Variants in SCN3A observed in about 807,000 individuals in gnomAD.
SCN3A encodes the protein sodium channel protein type 3 subunit alpha.
In SCN3A, 60 loss-of-function variants were observed where a neutral mutation model predicts 187.6. That is an observed-to-expected ratio of 0.32 (90% CI 0.26 to 0.40). The LOEUF is 0.40. SCN3A is among the 10% of genes least tolerant of loss of function. The pLI is 1.00. For synonymous variants in SCN3A, 788 were observed against 829.2 expected, an observed-to-expected ratio of 0.95 and a Z score of 0.85; for missense variants, 1,601 against 2,428.2, an observed-to-expected ratio of 0.66 and a Z score of 7.16.
chr2:165,100,533 C>T (rs1685555083), intron 21 of SCN3A, 109 bp from the exon 22 acceptor site: 1 of 1,131,564 alleles, frequency 8.8e-7, no homozygotes, highest in African/African-American at 1.6e-5. Context: ...TTGGACATAC[C>T]TTGGCAACTT....
intron 9 of SCN3A, among the ~76,000 whole-genome samples, chr2:165,161,154 T>TTTTTTTTTG (rs1689363339): frequency 1.4e-5 from 2 of 146,402 alleles, no homozygotes; most frequent in Non-Finnish European, 3.0e-5. Flanking sequence ...TTTTTTTTTT[T>TTTTTTTTTG]TTTTTTTTGT....
rs770782820 is a variant in SCN3A, at chr2:165,159,893, A to C, written c.1031+2415T>G. On this transcript the variant is annotated intron_variant, in intron 9 of 27. Transcript: ENST00000283254. ...ACTCCTGTAATCCCAGCACTTTGGG[A>C]GGCCGAGGCGGGCGGATCACGAGGT... Among the ~76,000 whole-genome samples, 4 of 136,094 alleles carry C rather than the reference A, an allele frequency of 2.9e-5. 1 individual carries two copies. The highest frequency in any genetic ancestry group is 6.0e-5 in the Non-Finnish European group (4 of 66,366). 89.3% of individuals were successfully genotyped at this position (136,094 alleles called of 152,430 possible).
At chr2:165,194,332 T>C (rs1439240736) in intron 1 of SCN3A, among the ~76,000 whole-genome samples, 1 of 152,144 alleles carries the variant, frequency 6.6e-6, no homozygotes, top group Non-Finnish European at 1.5e-5. Flanking sequence ...GTCCAGACTT[T>C]GGGACTCTGT....
chr2:165,196,789 G>T (rs1324886939), intron 1 of SCN3A, among the ~76,000 whole-genome samples: 1 of 152,066 alleles, frequency 6.6e-6, no homozygotes, highest in Non-Finnish European at 1.5e-5. Context: ...CTTTCCTCCA[G>T]ATCTGCCTAA....
At chr2:165,157,331 T>C (rs1689121814) in intron 9 of SCN3A, among the ~76,000 whole-genome samples, 1 of 152,198 alleles carries the variant, frequency 6.6e-6, no homozygotes, top group African/African-American at 2.4e-5. Context: ...ACTTCCCTTG[T>C]TTTTGATGAC....
At chr2:165,197,102 G>A (rs796926190) in intron 1 of SCN3A, among the ~76,000 whole-genome samples, 1 of 152,114 alleles carries the variant, frequency 6.6e-6, no homozygotes. Context: ...AATTTCAAAT[G>A]TAAAATTATT....
chr2:165,087,783 A>G lies in SCN3A; in HGVS notation c.*2367T>C, dbSNP rs1684903579. 1 of 152,176 alleles carries G rather than the reference A, an allele frequency of 6.6e-6. No individual in the cohort carries two copies. The allele number at this position is 152,176 out of a possible 1,614,324, so 9.4% of individuals were successfully genotyped here. A position where few individuals can be genotyped will look rare whatever the true frequency, so the allele number is the denominator to read the frequency against. The stretch of plus-strand genomic sequence containing the variant: ...AGAATGTAACATTTATTAGCCACCA[A>G]GTAATTAGGAGATAGCATCAATTAT... On this transcript the variant is annotated 3_prime_UTR_variant, in exon 28 of 28. Coordinates refer to ENST00000283254, the MANE Select transcript of SCN3A (RefSeq NM_006922.4).
At chr2:165,097,556 C>T (rs755657861) in intron 22 of SCN3A, 32 bp from the exon 23 acceptor site, 1 of 1,611,354 alleles carries the variant, frequency 6.2e-7, no homozygotes, top group South Asian at 1.1e-5. Context: ...ACATAGCTTA[C>T]AAACCTTTTG....
At chr2:165,104,306 T>C (rs1253456793) in intron 21 of SCN3A, among the ~76,000 whole-genome samples, 2 of 151,868 alleles carry the variant, frequency 1.3e-5, no homozygotes, top group Non-Finnish European at 2.9e-5. Flanking sequence ...ATGAATGAAA[T>C]AAAATAAAGC....
At chr2:165,143,009 C>T (rs1688105523) in intron 12 of SCN3A, among the ~76,000 whole-genome samples, 1 of 152,108 alleles carries the variant, frequency 6.6e-6, no homozygotes, top group Non-Finnish European at 1.5e-5. Flanking sequence ...GCCCTGGCCT[C>T]CCAAAGCCCT....
At chr2:165,153,613 A>G (rs1198032756) in intron 11 of SCN3A, among the ~76,000 whole-genome samples, 10 of 152,138 alleles carry the variant, frequency 6.6e-5, no homozygotes, top group Admixed American at 6.6e-4. Context: ...ACAGATGGAA[A>G]ATAAGAACAG....
At position 165,139,343 on chromosome 2, in the gene SCN3A, C is replaced by A. The variant is rs541702979; in HGVS notation, c.2152+133G>T. On this transcript the variant is annotated intron_variant, in intron 14 of 27. Coordinates refer to ENST00000283254, the MANE Select transcript of SCN3A (RefSeq NM_006922.4). ...TTGTAATCAATGTGATAATGTACTC[C>A]ATATATCACATTCTTAGGTCTAATA... 132 of 1,196,422 alleles carry A rather than the reference C, an allele frequency of 1.1e-4. No individual in the cohort carries two copies. In the South Asian group the frequency reaches 1.7e-3, roughly 15 times the overall value. The allele number at this position is 1,196,422 out of a possible 1,614,324, so 74.1% of individuals were successfully genotyped here. A position where few individuals can be genotyped will look rare whatever the true frequency, so the allele number is the denominator to read the frequency against.
At chr2:165,191,157 T>A (rs1002563434) in intron 1 of SCN3A, among the ~76,000 whole-genome samples, 1 of 151,308 alleles carries the variant, frequency 6.6e-6, no homozygotes, top group Non-Finnish European at 1.5e-5. Context: ...GCTTCTTCAG[T>A]CTCATTTATT....
In SCN3A at chr2:165,088,563, T is replaced by C. The variant is rs551218225; in HGVS notation, c.*1587A>G. 3.3e-5 allele frequency: 5 copies of C among 152,628 alleles called. No individual in the cohort carries two copies. The highest frequency in any genetic ancestry group is 1.2e-4 in the African/African-American group (5 of 41,574). The allele number at this position is 152,628 out of a possible 1,614,324, so 9.5% of individuals were successfully genotyped here. The stretch of plus-strand genomic sequence containing the variant: ...TCTCCTATTGGAATGGTAGAAAATA[T>C]ATTATAACAAAGAAATCCATAAAAC... On this transcript the variant is annotated 3_prime_UTR_variant, in exon 28 of 28. Transcript: ENST00000283254.
chr2:165,171,254 C>CAA (rs1690086359), intron 3 of SCN3A, among the ~76,000 whole-genome samples: 1 of 151,938 alleles, frequency 6.6e-6, no homozygotes, highest in South Asian at 2.1e-4. Context: ...GTCATCTTTG[C>CAA]TATGGCCAAT....
chr2:165,135,984 C>G (rs964703190), intron 15 of SCN3A, among the ~76,000 whole-genome samples: 2 of 152,138 alleles, frequency 1.3e-5, no homozygotes, highest in Non-Finnish European at 2.9e-5. Flanking sequence ...ATTTCAGTTA[C>G]TACCCATAAA....
intron 2 of SCN3A, among the ~76,000 whole-genome samples, chr2:165,180,633 G>A (rs746769888): frequency 6.6e-6 from 1 of 152,068 alleles, no homozygotes; most frequent in Non-Finnish European, 1.5e-5. Context: ...GAGAGTTTGG[G>A]AGCAATGACA....
chr2:165,092,833 G>T lies in SCN3A; in HGVS notation c.4537-309C>A. On this transcript the variant is annotated intron_variant, in intron 26 of 27. Transcript: ENST00000283254. The surrounding 1 kb of genome is among the most constrained non-coding windows in gnomAD (Gnocchi z 4.2). The stretch of plus-strand genomic sequence containing the variant: ...GCACTTTAGGAGGCTGAGACTGGAG[G>T]CTCTCTTGAGGCCAAGAGTTCCAGA... 1 of 301,878 alleles carries T rather than the reference G, an allele frequency of 3.3e-6. No homozygotes were observed. The highest frequency in any genetic ancestry group is 3.7e-5 in the South Asian group (1 of 26,822). 18.7% of individuals were successfully genotyped at this position (301,878 alleles called of 1,614,324 possible). A position where few individuals can be genotyped will look rare whatever the true frequency, so the allele number is the denominator to read the frequency against.
At chr2:165,158,543 T>C (rs1416836178) in intron 9 of SCN3A, among the ~76,000 whole-genome samples, 3 of 136,580 alleles carry the variant, frequency 2.2e-5, no homozygotes, top group Non-Finnish European at 4.5e-5. Context: ...TAAAAAAAAA[T>C]CCCCTTTGCT....
Sources: gnomAD v4.1 joint callset for allele counts (sites outside exome capture counted in the v4.1 genomes callset) on GRCh38, gnomAD v4.1.1 for gene constraint, Gnocchi (gnomAD v3.1) non-coding constraint, MANE v1.5 for transcripts, NCBI Gene and HGNC (gene_info 2026-07-23, HGNC 2026-07-21) for gene names.